The following NKAIN2 variants were observed in gnomAD, a reference collection of about 807,000 sequenced individuals.
The protein encoded by NKAIN2 is sodium/potassium transporting ATPase interacting 2, also known as sodium/potassium-transporting ATPase subunit beta-1-interacting protein 2.
Under a neutral mutation model 32.6 loss-of-function variants are expected in NKAIN2, and 14 were observed. That is an observed-to-expected ratio of 0.43 (90% CI 0.28 to 0.67). The LOEUF (loss-of-function observed/expected upper bound fraction) is 0.67. Ranked by LOEUF, NKAIN2 falls within the 30% of genes least tolerant of loss-of-function variation. NKAIN2 has a pLI of 0.17. For missense variants in NKAIN2, 198 were observed against 258.3 expected (o/e 0.77, Z 1.60); for synonymous variants, 80 against 87.2 (o/e 0.92, Z 0.46).
chr6:123,813,767 A>G (rs1307555178), intron 1 of NKAIN2, among the ~76,000 whole-genome samples: 1 of 152,080 alleles, frequency 6.6e-6, no homozygotes, highest in African/African-American at 2.4e-5. Flanking sequence ...AGCCAAGATC[A>G]TGCCACTCCA....
chr6:124,727,678 T>C (rs1009617102), intron 4 of NKAIN2, among the ~76,000 whole-genome samples: 1 of 150,036 alleles, frequency 6.7e-6, no homozygotes, highest in Non-Finnish European at 1.5e-5. Context: ...ACTAACATCA[T>C]AATGACAGGA....
chr6:124,599,884 C>T (rs557157759), intron 3 of NKAIN2, among the ~76,000 whole-genome samples: 3 of 152,168 alleles, frequency 2.0e-5, no homozygotes, highest in Admixed American at 1.3e-4. Flanking sequence ...ATATATGAGG[C>T]CTGCTCTGTT....
At chr6:124,536,552 C>T (rs1779722060) in intron 3 of NKAIN2, among the ~76,000 whole-genome samples, 1 of 152,070 alleles carries the variant, frequency 6.6e-6, no homozygotes, top group Non-Finnish European at 1.5e-5. Context: ...AAGTAATTCC[C>T]TTGCCTGAAT....
In NKAIN2 at chr6:124,763,423, A is replaced by T. The variant is rs74765710; in HGVS notation, c.475-27916A>T. On this transcript the variant is annotated intron_variant, in intron 4 of 6. Coordinates refer to ENST00000368417, the MANE Select transcript of NKAIN2 (RefSeq NM_001040214.3). ...GCAAAGAGGGAATGAGGCACTTCTT[A>T]CACAGCTGGAGCAGGAGCAAGAGAT... 4.8e-4 allele frequency among the ~76,000 whole-genome samples: 73 copies of T among 152,314 alleles called. 1 individual carries two copies. In the East Asian group the frequency reaches 0.013, roughly 27 times the overall value.
intron 1 of NKAIN2, among the ~76,000 whole-genome samples, chr6:123,981,588 G>T (rs1410388079): frequency 6.6e-6 from 1 of 152,156 alleles, no homozygotes. Context: ...GCAAGACCAA[G>T]CACACCCTGC....
chr6:124,421,177 A>T (rs1774734515), intron 3 of NKAIN2, among the ~76,000 whole-genome samples: 1 of 151,766 alleles, frequency 6.6e-6, no homozygotes, highest in Admixed American at 6.6e-5. Context: ...TCTAGAAAGT[A>T]GGGTTTTTTC....
At chr6:123,890,498 T>C (rs1773953103) in intron 1 of NKAIN2, among the ~76,000 whole-genome samples, 1 of 151,924 alleles carries the variant, frequency 6.6e-6, no homozygotes, top group South Asian at 2.1e-4. Context: ...GGTAATGCAA[T>C]TGATAACAAA....
At chr6:124,581,133 A>G (rs906683034) in intron 3 of NKAIN2, among the ~76,000 whole-genome samples, 12 of 152,180 alleles carry the variant, frequency 7.9e-5, no homozygotes, top group Non-Finnish European at 1.8e-4. Context: ...GTTCATCCAG[A>G]CAGAAAATCA....
intron 1 of NKAIN2, among the ~76,000 whole-genome samples, chr6:123,999,875 T>C (rs1327852472): frequency 1.2e-4 from 18 of 152,146 alleles, no homozygotes; most frequent in Non-Finnish European, 2.4e-4. Context: ...TTTGTCTTCC[T>C]ATATTTAGTT....
chr6:124,024,639 G>A (rs545705361), intron 1 of NKAIN2, among the ~76,000 whole-genome samples: 15 of 152,094 alleles, frequency 9.9e-5, no homozygotes, highest in African/African-American at 2.9e-4. Flanking sequence ...TATAATAGCC[G>A]TGATTATTAG....
chr6:124,478,789 G>C (rs1777333071), intron 3 of NKAIN2, among the ~76,000 whole-genome samples: 1 of 152,162 alleles, frequency 6.6e-6, no homozygotes, highest in Admixed American at 6.5e-5. Context: ...GATAAGGCAT[G>C]ACTATTCATT....
chr6:123,877,908 C>A (rs991313060), intron 1 of NKAIN2, among the ~76,000 whole-genome samples: 4 of 152,010 alleles, frequency 2.6e-5, no homozygotes, highest in African/African-American at 9.7e-5. Context: ...TGTTCAATTT[C>A]GTTAGTTAAT....
intron 1 of NKAIN2, among the ~76,000 whole-genome samples, chr6:124,253,082 A>G (rs1207820126): frequency 6.6e-6 from 1 of 152,146 alleles, no homozygotes; most frequent in East Asian, 1.9e-4. Flanking sequence ...ATAGAATGAC[A>G]TGGCGGAGAA....
At chr6:123,914,607 A>G (rs62435596) in intron 1 of NKAIN2, among the ~76,000 whole-genome samples, 1 of 152,128 alleles carries the variant, frequency 6.6e-6, no homozygotes, top group East Asian at 1.9e-4. Flanking sequence ...AGAAGAGGCA[A>G]TTGAGACACT....
At chr6:124,775,239 G>A (rs1262489476) in intron 4 of NKAIN2, among the ~76,000 whole-genome samples, 2 of 152,196 alleles carry the variant, frequency 1.3e-5, no homozygotes, top group East Asian at 3.9e-4. Flanking sequence ...ATTTGAGACA[G>A]GCAAATGTGG....
chr6:124,217,754 TCTG>T (rs1791556030), intron 1 of NKAIN2, among the ~76,000 whole-genome samples: 1 of 151,844 alleles, frequency 6.6e-6, no homozygotes, highest in African/African-American at 2.4e-5. Context: ...TGGCAAAAAT[TCTG>T]CTGGTAGATA....
At chr6:124,134,548 G>A (rs997201863) in intron 1 of NKAIN2, among the ~76,000 whole-genome samples, 4 of 152,248 alleles carry the variant, frequency 2.6e-5, no homozygotes, top group African/African-American at 7.2e-5. Context: ...GCTGGGCATG[G>A]TGGTACATGC....
chr6:124,746,979 G>A (rs1306729950), intron 4 of NKAIN2, among the ~76,000 whole-genome samples: 1 of 151,874 alleles, frequency 6.6e-6, no homozygotes, highest in Non-Finnish European at 1.5e-5. Flanking sequence ...AGCAATTGTA[G>A]CAACAAAAGT....
At chr6:124,049,195 T>C (rs944918057) in intron 1 of NKAIN2, among the ~76,000 whole-genome samples, 3 of 152,078 alleles carry the variant, frequency 2.0e-5, no homozygotes, top group Middle Eastern at 3.2e-3. Context: ...TAGGTTTTTT[T>C]GAGTCATATG....
Sources: gnomAD v4.1 joint callset for allele counts (sites outside exome capture counted in the v4.1 genomes callset) on GRCh38, gnomAD v4.1.1 for gene constraint, MANE v1.5 for transcripts, NCBI Gene and HGNC (gene_info 2026-07-23, HGNC 2026-07-21) for gene names.